Variants in RIMS2 observed in about 807,000 individuals in gnomAD.
RIMS2 encodes regulating synaptic membrane exocytosis 2, also known as regulating synaptic membrane exocytosis protein 2.
A neutral mutation model predicts 174.4 loss-of-function variants in RIMS2; 59 were observed. That is an observed-to-expected ratio of 0.34 (90% CI 0.27 to 0.42). The LOEUF is 0.42. RIMS2 is among the 10% of genes least tolerant of loss of function. The pLI, the probability that RIMS2 is intolerant of heterozygous loss-of-function variation, is 1.00. For synonymous variants in RIMS2, 606 were observed against 572.5 expected (o/e 1.06, Z -0.84); for missense variants, 1,620 against 1,666.3 (o/e 0.97, Z 0.48).
chr8:104,035,265 T>G (rs1367878912), intron 19 of RIMS2, among the ~76,000 whole-genome samples: 3 of 150,758 alleles, frequency 2.0e-5, no homozygotes, highest in Admixed American at 2.0e-4. Context: ...TTTTTTTTTG[T>G]AAAAGTGAAG....
intron 19 of RIMS2, among the ~76,000 whole-genome samples, chr8:104,019,363 G>T (rs967309284): frequency 2.0e-4 from 31 of 151,906 alleles, no homozygotes; most frequent in Admixed American, 2.0e-3. Flanking sequence ...CTTTAATTTT[G>T]TCAAGTGTTT....
At chr8:103,784,119 GT>G (rs1554822770) in intron 3 of RIMS2, among the ~76,000 whole-genome samples, 1 of 147,866 alleles carries the variant, frequency 6.8e-6, no homozygotes, top group Non-Finnish European at 1.5e-5. Flanking sequence ...GGGGTTGTTT[GT>G]TTTTTTCTTG....
intron 1 of RIMS2, among the ~76,000 whole-genome samples, chr8:103,617,817 C>G (rs1019075426): frequency 2.0e-5 from 3 of 152,136 alleles, no homozygotes; most frequent in Admixed American, 1.3e-4. Context: ...CCACCTCACA[C>G]CAGTCAGAAT....
intron 2 of RIMS2, among the ~76,000 whole-genome samples, chr8:103,744,573 A>G (rs559942217): frequency 6.6e-6 from 1 of 152,344 alleles, no homozygotes; most frequent in African/African-American, 2.4e-5. Flanking sequence ...CAATTGTTAT[A>G]TGTACCCTAC....
chr8:103,822,485 A>G (rs184627643), intron 3 of RIMS2, among the ~76,000 whole-genome samples: 2 of 151,988 alleles, frequency 1.3e-5, no homozygotes, highest in Admixed American at 1.3e-4. Flanking sequence ...TTAATTAACT[A>G]ATGATTAAAT....
intron 19 of RIMS2, among the ~76,000 whole-genome samples, chr8:104,170,839 C>T (rs963675855): frequency 6.6e-6 from 1 of 151,896 alleles, no homozygotes; most frequent in African/African-American, 2.4e-5. Context: ...CATTTCTTGT[C>T]GTGCTAGTTT....
intron 14 of RIMS2, among the ~76,000 whole-genome samples, chr8:103,954,976 A>G (rs550801432): frequency 6.6e-5 from 10 of 152,354 alleles, no homozygotes; most frequent in Admixed American, 1.3e-4. Flanking sequence ...AAACACCTCA[A>G]TGCAAACAAA....
intron 1 of RIMS2, among the ~76,000 whole-genome samples, chr8:103,656,112 G>A (rs529312692): frequency 6.6e-6 from 1 of 152,168 alleles, no homozygotes; most frequent in Non-Finnish European, 1.5e-5. Context: ...AGATTGAAAT[G>A]ATATGATTTG....
At chr8:103,844,725 A>C (rs2098958918) in intron 3 of RIMS2, among the ~76,000 whole-genome samples, 1 of 151,248 alleles carries the variant, frequency 6.6e-6, no homozygotes, top group Admixed American at 6.6e-5. Flanking sequence ...GACATTTTTC[A>C]GTGCTTTTTG....
intron 3 of RIMS2, among the ~76,000 whole-genome samples, chr8:103,781,750 T>C (rs2098391379): frequency 1.4e-5 from 2 of 146,062 alleles, no homozygotes; most frequent in Non-Finnish European, 3.0e-5. Context: ...TTTTTTTTTT[T>C]TTTTTTTTTT....
chr8:104,252,001 C>T (rs1301408574), downstream of RIMS2: 1 of 597,968 alleles, frequency 1.7e-6, no homozygotes, highest in Non-Finnish European at 3.0e-6. Flanking sequence ...TAAAGAAGGC[C>T]CTCAGGTGAA....
At chr8:103,691,807 G>T (rs538352939) in intron 1 of RIMS2, among the ~76,000 whole-genome samples, 3 of 152,058 alleles carry the variant, frequency 2.0e-5, no homozygotes, top group African/African-American at 7.2e-5. Flanking sequence ...CACAGTCTGG[G>T]GTTGTTTGTA....
chr8:103,684,492 A>C (rs2096915914), intron 1 of RIMS2, among the ~76,000 whole-genome samples: 1 of 151,588 alleles, frequency 6.6e-6, no homozygotes, highest in South Asian at 2.1e-4. Flanking sequence ...ACACAGCTAC[A>C]CTCATTCATT....
chr8:103,988,618 C>T (rs2094505276), intron 16 of RIMS2, among the ~76,000 whole-genome samples: 1 of 152,128 alleles, frequency 6.6e-6, no homozygotes, highest in African/African-American at 2.4e-5. Flanking sequence ...CACCACCACA[C>T]CTTGCTGATT....
At chr8:103,537,878 G>A (rs1393443544) in intron 1 of RIMS2, among the ~76,000 whole-genome samples, 1 of 151,826 alleles carries the variant, frequency 6.6e-6, no homozygotes, top group Non-Finnish European at 1.5e-5. Context: ...AATGGGAGAT[G>A]TTTACCAATA....
At chr8:104,174,037 C>G (rs1474870975) in intron 19 of RIMS2, among the ~76,000 whole-genome samples, 1 of 151,806 alleles carries the variant, frequency 6.6e-6, no homozygotes, top group African/African-American at 2.4e-5. Context: ...ATCTCTGCCT[C>G]CTTGGTTCAA....
rs751054284 is a variant in RIMS2, at chr8:103,687,151, CT to C, written c.177-9925del. On this transcript the variant is annotated intron_variant, in intron 1 of 23. Coordinates refer to ENST00000504942, the Ensembl canonical transcript of RIMS2. ...ATGGATATAAAGCTTGTCAAGCTATCTTTTTTTTTTGGTGAATGAGGTATGC... is the reference window on the plus strand; with the variant it reads ...ATGGATATAAAGCTTGTCAAGCTATCTTTTTTTTTGGTGAATGAGGTATGC... Among the ~76,000 whole-genome samples, 954 of 147,580 alleles carry C rather than the reference CT, an allele frequency of 6.5e-3. 26 individuals are homozygous for C. Among genetic ancestry groups the C allele is most frequent in the Admixed American group, 0.038 (557 of 14,794 alleles).
At chr8:103,607,194 C>T (rs1236353268) in intron 1 of RIMS2, among the ~76,000 whole-genome samples, 1 of 151,770 alleles carries the variant, frequency 6.6e-6, no homozygotes, top group Non-Finnish European at 1.5e-5. Flanking sequence ...TAGGGCAGGC[C>T]TCGTGGTGAC....
intron 19 of RIMS2, among the ~76,000 whole-genome samples, chr8:104,185,344 A>C (rs1162141299): frequency 6.6e-6 from 1 of 151,612 alleles, no homozygotes; most frequent in Non-Finnish European, 1.5e-5. Context: ...AAAGCTGTCA[A>C]ATAATGAAGA....
Sources: allele counts gnomAD v4.1 joint callset (sites outside exome capture counted in the v4.1 genomes callset), GRCh38; gene constraint gnomAD v4.1.1; transcripts MANE v1.5; gene names NCBI Gene and HGNC (gene_info 2026-07-23, HGNC 2026-07-21).